Variants in USP34 observed in about 807,000 individuals in gnomAD.
The protein encoded by USP34 is ubiquitin carboxyl-terminal hydrolase 34.
Under a neutral mutation model 460.3 loss-of-function variants are expected in USP34, and 70 were observed. The ratio of observed to expected loss-of-function variants is 0.15; its 90% confidence interval spans 0.13 to 0.19. USP34 has a LOEUF of 0.19. Ranked by LOEUF, USP34 falls within the 10% of genes least tolerant of loss-of-function variation. The probability of loss-of-function intolerance (pLI) is 1.00; values close to 1 mark genes in which losing one functional copy is unlikely to be tolerated. For synonymous variants in USP34, 1,647 were observed against 1,405.3 expected, an observed-to-expected ratio of 1.17 and a Z score of -3.85; for missense variants, 3,985 against 4,236.2, an observed-to-expected ratio of 0.94 and a Z score of 1.65.
intron 16 of USP34, among the ~76,000 whole-genome samples, chr2:61,341,663 C>T (rs551347301): frequency 3.9e-5 from 6 of 151,950 alleles, no homozygotes; most frequent in African/African-American, 1.4e-4. Flanking sequence ...TCACCAGAAG[C>T]AGATGCTGGC....
rs532319138 is a variant in USP34 at position 61,470,863 on chromosome 2, G to A, written c.-171C>T. The A allele has an allele frequency of 2.0e-5, 8 of 395,784 alleles. No homozygotes were observed. In the South Asian group the frequency reaches 2.9e-4, roughly 14 times the overall value. The allele number at this position is 395,784 out of a possible 1,614,324, so 24.5% of individuals were successfully genotyped here. A position where few individuals can be genotyped will look rare whatever the true frequency, so the allele number is the denominator to read the frequency against. ...GCGGGGAGCAAGAGAATGGGGGAGG[G>A]GGCCGGCGGTCCCCGCAGCGGGAGG... On this transcript the variant is annotated 5_prime_UTR_variant, in exon 1 of 80. Transcript: ENST00000398571.
intron 10 of USP34, 119 bp downstream of exon 10, chr2:61,370,202 G>A (rs982903346): frequency 4.1e-6 from 4 of 981,344 alleles, no homozygotes; most frequent in Non-Finnish European, 6.1e-6. Context: ...TTCAGTCCCA[G>A]CTTGTCCATG....
intron 1 of USP34, among the ~76,000 whole-genome samples, chr2:61,433,026 A>C (rs1011092820): frequency 1.3e-5 from 2 of 152,236 alleles, no homozygotes; most frequent in Non-Finnish European, 2.9e-5. Flanking sequence ...TAAAAAAAGA[A>C]TCAGGGAGAC....
At chr2:61,196,790 T>C (rs1337313674) in intron 75 of USP34, among the ~76,000 whole-genome samples, 3 of 152,052 alleles carry the variant, frequency 2.0e-5, no homozygotes. Flanking sequence ...GCCTCGGTTT[T>C]ACGGAGTGCT....
At chr2:61,307,020 G>A (rs1392741107) in intron 27 of USP34, among the ~76,000 whole-genome samples, 2 of 152,098 alleles carry the variant, frequency 1.3e-5, no homozygotes, top group Non-Finnish European at 2.9e-5. Context: ...GCACACATAT[G>A]TTTATTGTGG....
intron 67 of USP34, among the ~76,000 whole-genome samples, chr2:61,218,024 G>A (rs1687451859): frequency 6.6e-6 from 1 of 151,850 alleles, no homozygotes; most frequent in Non-Finnish European, 1.5e-5. Flanking sequence ...AAGAATCTTG[G>A]TAAAGATCTG....
chr2:61,259,396 T>G (rs1443709945), intron 44 of USP34, among the ~76,000 whole-genome samples: 1 of 148,736 alleles, frequency 6.7e-6, no homozygotes, highest in Non-Finnish European at 1.5e-5. Flanking sequence ...TCCATGTTTC[T>G]TTTTTTTTTG....
At chr2:61,342,296 C>CTTTTTT (rs34298126) in intron 16 of USP34, among the ~76,000 whole-genome samples, 3 of 95,088 alleles carry the variant, frequency 3.2e-5, no homozygotes, top group African/African-American at 4.3e-5. Context: ...TGGCCGTTTC[C>CTTTTTT]TTTTTTTTTT....
chr2:61,350,769 T>C (rs1359065124), intron 10 of USP34, 76 bp from the exon 11 acceptor site: 1 of 1,482,336 alleles, frequency 6.7e-7, no homozygotes, highest in Non-Finnish European at 9.0e-7. Flanking sequence ...AAAAACAGTT[T>C]GAAAGTCAAA....
At chr2:61,322,552 C>G (rs1036366473) in intron 21 of USP34, among the ~76,000 whole-genome samples, 30 of 152,294 alleles carry the variant, frequency 2.0e-4, no homozygotes, top group African/African-American at 7.2e-4. Flanking sequence ...AGGTTCCAAA[C>G]CCTGGGGTGG....
chr2:61,351,451 T>C (rs1691940106), intron 10 of USP34, among the ~76,000 whole-genome samples: 1 of 149,156 alleles, frequency 6.7e-6, no homozygotes, highest in African/African-American at 2.4e-5. Context: ...ACACTAAATA[T>C]TATGTCATGT....
At chr2:61,273,257 C>G (rs1689271084) in intron 41 of USP34, among the ~76,000 whole-genome samples, 1 of 152,162 alleles carries the variant, frequency 6.6e-6, no homozygotes, top group Admixed American at 6.5e-5. Context: ...CTTCCACAGG[C>G]AAATTGAGTA....
At chr2:61,389,438 C>T (rs896870864) in intron 5 of USP34, among the ~76,000 whole-genome samples, 2 of 151,938 alleles carry the variant, frequency 1.3e-5, no homozygotes, top group Admixed American at 1.3e-4. Flanking sequence ...TACACAGACA[C>T]AAGTGATTAA....
chr2:61,202,745 G>C (rs1687012036), intron 75 of USP34, among the ~76,000 whole-genome samples: 1 of 152,108 alleles, frequency 6.6e-6, no homozygotes, highest in African/African-American at 2.4e-5. Flanking sequence ...CAGCTCCAAA[G>C]CACAGCTGGC....
chr2:61,283,383 A>G, intron 36 of USP34, 26 bp downstream of exon 36: 1 of 1,590,982 alleles, frequency 6.3e-7, no homozygotes, highest in East Asian at 2.2e-5. Context: ...TTTATTTATT[A>G]AAAGTTAACT....
intron 78 of USP34, 184 bp downstream of exon 78, chr2:61,190,087 A>G (rs1335597021): frequency 8.2e-6 from 5 of 606,650 alleles, no homozygotes. Flanking sequence ...TTCCAAGGTG[A>G]TAGAGTGTGC....
chr2:61,205,823 A>G (rs1006113730), intron 72 of USP34, among the ~76,000 whole-genome samples, 194 bp downstream of exon 72: 41 of 152,212 alleles, frequency 2.7e-4, no homozygotes, highest in African/African-American at 9.6e-4. Flanking sequence ...TAATCTGCCC[A>G]TTATCATGTG....
intron 3 of USP34, among the ~76,000 whole-genome samples, chr2:61,398,737 A>C (rs1693620253): frequency 6.6e-6 from 1 of 152,246 alleles, no homozygotes. Flanking sequence ...TTAGATATTT[A>C]AGTTACACTG....
At chr2:61,428,732 A>G (rs1426207359) in intron 1 of USP34, among the ~76,000 whole-genome samples, 4 of 152,248 alleles carry the variant, frequency 2.6e-5, no homozygotes, top group African/African-American at 9.6e-5. Flanking sequence ...ATAAAAAGAA[A>G]GAGGGGAACC....
Sources: gnomAD v4.1 joint callset for allele counts (sites outside exome capture counted in the v4.1 genomes callset) on GRCh38, gnomAD v4.1.1 for gene constraint, MANE v1.5 for transcripts, NCBI Gene and HGNC (gene_info 2026-07-23, HGNC 2026-07-21) for gene names.